NEGR1: variants seen among roughly 807,000 people sequenced by gnomAD.
The protein encoded by NEGR1 is IgLON family member 4.
A neutral mutation model predicts 40.9 loss-of-function variants in NEGR1; 10 were observed. That is an observed-to-expected ratio of 0.24 (90% confidence interval 0.15 to 0.42). NEGR1 has a LOEUF of 0.42. Ranked by LOEUF, NEGR1 falls within the 10% of genes least tolerant of loss-of-function variation. The pLI is 1.00. For synonymous variants in NEGR1, 185 were observed against 166.8 expected (o/e 1.11, Z -0.84); for missense variants, 352 against 438.9 (o/e 0.80, Z 1.77).
intron 4 of NEGR1, among the ~76,000 whole-genome samples, chr1:71,655,679 A>C (rs1651852671): frequency 6.6e-6 from 1 of 152,168 alleles, no homozygotes; most frequent in Admixed American, 6.5e-5. Context: ...TTGCAGGGCA[A>C]TAGATAGAAT....
At chr1:71,409,869 A>G (rs1038971873) in intron 6 of NEGR1, among the ~76,000 whole-genome samples, 1 of 152,048 alleles carries the variant, frequency 6.6e-6, no homozygotes, top group Non-Finnish European at 1.5e-5. Flanking sequence ...ATTATAGGCT[A>G]GAAAATGTAC....
chr1:71,908,085 T>C (rs1661326049), intron 2 of NEGR1, among the ~76,000 whole-genome samples: 1 of 151,976 alleles, frequency 6.6e-6, no homozygotes, highest in African/African-American at 2.4e-5. Context: ...AGATCGCTCA[T>C]ATCCCAAACC....
At chr1:71,822,020 GT>G (rs955692879) in intron 2 of NEGR1, among the ~76,000 whole-genome samples, 7 of 150,880 alleles carry the variant, frequency 4.6e-5, no homozygotes, top group African/African-American at 7.3e-5. Flanking sequence ...TTCCAGAAGG[GT>G]TTTTTTTTGT....
chr1:71,663,107 C>A (rs887467834), intron 4 of NEGR1, among the ~76,000 whole-genome samples: 3 of 152,016 alleles, frequency 2.0e-5, no homozygotes, highest in Non-Finnish European at 4.4e-5. Flanking sequence ...CAGGCGCCTG[C>A]CACCATGCCT....
intron 4 of NEGR1, among the ~76,000 whole-genome samples, chr1:71,671,288 C>G (rs2901617): frequency 0.64 from 97,493 of 151,850 alleles, 32,038 homozygotes; most frequent in African/African-American, 0.81. Context: ...CTCACTTGGA[C>G]ACACTGGAGA....
At chr1:72,158,670 A>G (rs1316740237) in intron 1 of NEGR1, among the ~76,000 whole-genome samples, 1 of 152,206 alleles carries the variant, frequency 6.6e-6, no homozygotes, top group Non-Finnish European at 1.5e-5. Flanking sequence ...AGAGTTATCT[A>G]TATAGACATG....
chr1:72,248,445 A>T (rs1006900326), intron 1 of NEGR1, among the ~76,000 whole-genome samples: 1 of 151,790 alleles, frequency 6.6e-6, no homozygotes, highest in African/African-American at 2.4e-5. Flanking sequence ...TTTAAGATAG[A>T]TGGGGTTTCG....
intron 2 of NEGR1, among the ~76,000 whole-genome samples, chr1:71,873,605 G>T (rs748719488): frequency 6.6e-6 from 1 of 152,052 alleles, no homozygotes; most frequent in Non-Finnish European, 1.5e-5. Flanking sequence ...TAATCTATGT[G>T]CAAATATGCT....
At chr1:71,793,962 A>T (rs1297126288) in intron 2 of NEGR1, among the ~76,000 whole-genome samples, 1 of 152,152 alleles carries the variant, frequency 6.6e-6, no homozygotes, top group Non-Finnish European at 1.5e-5. Flanking sequence ...AATGTGAGGC[A>T]TATTTCATTA....
chr1:71,497,076 A>G (rs1283726256), intron 6 of NEGR1, among the ~76,000 whole-genome samples: 2 of 152,186 alleles, frequency 1.3e-5, no homozygotes, highest in African/African-American at 4.8e-5. Context: ...TCTTCAGTAT[A>G]CTAGAAATAA....
intron 1 of NEGR1, among the ~76,000 whole-genome samples, chr1:72,156,876 T>A (rs1407383879): frequency 6.6e-6 from 1 of 152,132 alleles, no homozygotes; most frequent in Non-Finnish European, 1.5e-5. Context: ...CATGTGAAAT[T>A]TCCTACCTTC....
rs10604833 is a variant in NEGR1 at position 71,988,923 on chromosome 1, T to TAAAAAAAAAAAAAAAAAAAA, written c.177-53632_177-53613dup. 7.3e-4 allele frequency among the ~76,000 whole-genome samples: 60 copies of TAAAAAAAAAAAAAAAAAAAA among 82,224 alleles called. 5 individuals carry two copies. The highest frequency in any genetic ancestry group is 3.3e-3 in the African/African-American group (58 of 17,430). 53.9% of individuals were successfully genotyped at this position (82,224 alleles called of 152,430 possible). A position where few individuals can be genotyped will look rare whatever the true frequency, so the allele number is the denominator to read the frequency against. ...CAATGAGCTCTATCATATTGGATGT[T>TAAAAAAAAAAAAAAAAAAAA]AAAAAAAAAAAAAAAAAAAAAAAAA... On this transcript the variant is annotated intron_variant, in intron 1 of 6. Coordinates refer to ENST00000357731, the MANE Select transcript of NEGR1 (RefSeq NM_173808.3).
intron 4 of NEGR1, among the ~76,000 whole-genome samples, chr1:71,659,007 ACC>A (rs775404883): frequency 8.5e-5 from 13 of 152,220 alleles, no homozygotes; most frequent in Non-Finnish European, 1.3e-4. Context: ...AATATGCTTG[ACC>A]CAATGTGATA....
intron 2 of NEGR1, among the ~76,000 whole-genome samples, chr1:71,828,313 T>A (rs1230661025): frequency 6.6e-6 from 1 of 151,928 alleles, no homozygotes; most frequent in Non-Finnish European, 1.5e-5. Flanking sequence ...ATTGTTTTTA[T>A]CCCTGAATTA....
chr1:71,450,049 G>T (rs1296723415), intron 6 of NEGR1, among the ~76,000 whole-genome samples: 2 of 150,008 alleles, frequency 1.3e-5, no homozygotes, highest in African/African-American at 4.9e-5. Flanking sequence ...AGAGTGCAGC[G>T]GTCCACTCTT....
At chr1:72,040,334 A>T (rs1234032988) in intron 1 of NEGR1, among the ~76,000 whole-genome samples, 2 of 151,896 alleles carry the variant, frequency 1.3e-5, no homozygotes, top group East Asian at 1.9e-4. Flanking sequence ...AGACAAGAGC[A>T]TCACAGTAGC....
At chr1:71,917,827 A>G (rs1490388704) in intron 2 of NEGR1, among the ~76,000 whole-genome samples, 2 of 151,304 alleles carry the variant, frequency 1.3e-5, no homozygotes, top group Admixed American at 6.6e-5. Flanking sequence ...GGAAGCGGCC[A>G]AATTGAACAG....
chr1:71,558,401 C>G (rs918817106), intron 6 of NEGR1, among the ~76,000 whole-genome samples: 4 of 151,574 alleles, frequency 2.6e-5, no homozygotes, highest in Non-Finnish European at 4.4e-5. Flanking sequence ...CATTATACGT[C>G]AGCAAATGTC....
At chr1:71,896,188 C>T (rs1660968704) in intron 2 of NEGR1, among the ~76,000 whole-genome samples, 1 of 151,962 alleles carries the variant, frequency 6.6e-6, no homozygotes, top group Non-Finnish European at 1.5e-5. Context: ...CAGGTGCATG[C>T]CACCATGCCT....
Sources: allele counts gnomAD v4.1 joint callset (sites outside exome capture counted in the v4.1 genomes callset), GRCh38; gene constraint gnomAD v4.1.1; transcripts MANE v1.5; gene names NCBI Gene and HGNC (gene_info 2026-07-23, HGNC 2026-07-21).